Variants in TENM4 observed in about 807,000 individuals in gnomAD.
TENM4 encodes teneurin transmembrane protein 4.
In TENM4, 82 loss-of-function variants were observed where a neutral mutation model predicts 243.3. The observed-to-expected ratio is 0.34, with a 90% CI of 0.28 to 0.40. The LOEUF (loss-of-function observed/expected upper bound fraction) is 0.40. TENM4 is among the 10% of genes least tolerant of loss of function. The pLI is 1.00. For synonymous variants in TENM4, 1,412 were observed against 1,456.3 expected (o/e 0.97, Z 0.69); for missense variants, 3,138 against 3,673.3 (o/e 0.85, Z 3.77).
Position 78,742,960 on chromosome 11 carries a change from C to T in TENM4, c.2757-4390G>A, listed in dbSNP as rs141207636. Among the ~76,000 whole-genome samples, 28 of 152,290 alleles carry T rather than the reference C, an allele frequency of 1.8e-4. No homozygotes were observed. The East Asian group carries it at 2.3e-3, about 13-fold the overall frequency. On this transcript the variant is annotated intron_variant, in intron 19 of 33. Coordinates refer to ENST00000278550, the MANE Select transcript of TENM4 (RefSeq NM_001098816.3). ...CTGTATGATTTTGGAGTCATCTGACCTCTCTGAACCTCCATTCTCTCATCT... is the reference window on the plus strand; with the variant it reads ...CTGTATGATTTTGGAGTCATCTGACTTCTCTGAACCTCCATTCTCTCATCT...
chr11:78,712,787 AC>A, intron 25 of TENM4, 73 bp from the exon 26 acceptor site: 3 of 1,386,978 alleles, frequency 2.2e-6, no homozygotes, highest in Non-Finnish European at 3.0e-6. Context: ...GTACAGATGA[AC>A]CCCTGGCCCT....
intron 1 of TENM4, among the ~76,000 whole-genome samples, chr11:79,309,746 G>C (rs550346614): frequency 1.5e-3 from 225 of 152,298 alleles, no homozygotes; most frequent in South Asian, 7.0e-3. Context: ...AGAGAAACAG[G>C]CCCAGAGAAA....
chr11:78,693,605 T>TG (rs1565335122), intron 28 of TENM4, among the ~76,000 whole-genome samples: 1 of 152,170 alleles, frequency 6.6e-6, no homozygotes, highest in African/African-American at 2.4e-5. Context: ...AGCCCCCAGT[T>TG]GGGGGTATGA....
chr11:79,340,431 G>A (rs756307445), intron 1 of TENM4, among the ~76,000 whole-genome samples: 1 of 152,092 alleles, frequency 6.6e-6, no homozygotes, highest in Non-Finnish European at 1.5e-5. Flanking sequence ...TTGATGGCCA[G>A]ACATACACAC....
intron 4 of TENM4, among the ~76,000 whole-genome samples, chr11:79,098,200 C>G (rs536142729): frequency 1.3e-5 from 2 of 148,910 alleles, no homozygotes; most frequent in South Asian, 4.3e-4. Flanking sequence ...ACCCTGCATG[C>G]GGGTCTCTTG....
At chr11:79,392,356 G>C (rs1256081896) in intron 1 of TENM4, among the ~76,000 whole-genome samples, 2 of 152,220 alleles carry the variant, frequency 1.3e-5, no homozygotes, top group Non-Finnish European at 2.9e-5. Context: ...TTACTTCATT[G>C]GCTAATTAGG....
At chr11:78,673,840 T>C (rs903770086) in intron 30 of TENM4, among the ~76,000 whole-genome samples, 9 of 152,242 alleles carry the variant, frequency 5.9e-5, no homozygotes, top group African/African-American at 1.9e-4. Flanking sequence ...ATAATGACGA[T>C]GCTGACTTTA....
intron 3 of TENM4, among the ~76,000 whole-genome samples, chr11:79,204,893 A>G (rs1281982967): frequency 6.6e-6 from 1 of 152,354 alleles, no homozygotes; most frequent in East Asian, 1.9e-4. Flanking sequence ...ACAACGGGTT[A>G]TACACAGTGG....
chr11:78,869,980 A>G (rs962003934), intron 9 of TENM4, among the ~76,000 whole-genome samples: 12 of 152,210 alleles, frequency 7.9e-5, no homozygotes, highest in African/African-American at 2.9e-4. Flanking sequence ...AAAACCATGT[A>G]GATGCCAGTA....
chr11:78,921,856 G>A (rs1024312222), intron 6 of TENM4, among the ~76,000 whole-genome samples: 2 of 152,184 alleles, frequency 1.3e-5, no homozygotes, highest in African/African-American at 4.8e-5. Context: ...AGAGTACAGA[G>A]GCAAGTCAAC....
intron 30 of TENM4, among the ~76,000 whole-genome samples, chr11:78,673,694 A>G (rs1858393248): frequency 3.3e-5 from 5 of 152,250 alleles, no homozygotes; most frequent in African/African-American, 4.8e-5. Context: ...CTAGGCACAT[A>G]GAAGGTACTG....
chr11:79,189,411 G>C (rs993730188), intron 3 of TENM4, among the ~76,000 whole-genome samples: 4 of 152,166 alleles, frequency 2.6e-5, no homozygotes, highest in African/African-American at 9.7e-5. Context: ...TCTGTTTCTC[G>C]AGTGAAGGAG....
intron 30 of TENM4, 150 bp downstream of exon 30, chr11:78,676,002 G>T: frequency 1.3e-6 from 1 of 746,402 alleles, no homozygotes; most frequent in Middle Eastern, 4.0e-4. Context: ...ACACACAAGG[G>T]TCTCTGATCA....
intron 3 of TENM4, among the ~76,000 whole-genome samples, chr11:79,215,061 AC>A (rs1864023398): frequency 6.6e-6 from 1 of 152,216 alleles, no homozygotes; most frequent in Non-Finnish European, 1.5e-5. Context: ...TAGTAGGTTC[AC>A]AGTGGGCTTT....
intron 1 of TENM4, among the ~76,000 whole-genome samples, chr11:79,369,089 G>T (rs1024219531): frequency 6.6e-6 from 1 of 151,824 alleles, no homozygotes; most frequent in Non-Finnish European, 1.5e-5. Context: ...ACAGTCTCCG[G>T]TCCCCAGACA....
In TENM4 at chr11:78,786,968, G is replaced by T; in HGVS notation, c.2295C>A (p.Ala765=). The T allele has an allele frequency of 6.3e-7, 1 of 1,593,926 alleles. No individual in the cohort carries two copies. Among genetic ancestry groups the T allele is most frequent in the Non-Finnish European group, 8.5e-7 (1 of 1,170,718 alleles). ...TGCCGTCGCGGCAGGTCCCATGCTC[G>T]GCACAGCGCGGGTGGCAGGCCCGCT... ...CDQRACHPRC[A]EHGTCRDGKC... Residue 765 remains alanine, a synonymous_variant, in exon 16 of 34, where the codon GCC becomes GCA. Transcript: ENST00000278550.
chr11:79,292,832 G>A (rs942140390), intron 2 of TENM4, among the ~76,000 whole-genome samples: 3 of 152,184 alleles, frequency 2.0e-5, no homozygotes, highest in Non-Finnish European at 4.4e-5. Context: ...TATCTTATAG[G>A]GTTGCTTTGA....
chr11:79,042,270 T>C (rs2136905677), intron 6 of TENM4, among the ~76,000 whole-genome samples: 1 of 152,340 alleles, frequency 6.6e-6, no homozygotes. Context: ...TACTTCTCTC[T>C]ACAATCATGC....
intron 18 of TENM4, among the ~76,000 whole-genome samples, chr11:78,761,688 C>A (rs1856433480): frequency 3.1e-5 from 2 of 65,354 alleles, no homozygotes; most frequent in South Asian, 6.7e-4. Context: ...TAGGCTTGGT[C>A]TCTTAGCACA....
Sources: allele counts gnomAD v4.1 joint callset (sites outside exome capture counted in the v4.1 genomes callset), GRCh38; gene constraint gnomAD v4.1.1; transcripts MANE v1.5; gene names NCBI Gene and HGNC (gene_info 2026-07-23, HGNC 2026-07-21).